The following ARHGEF3 variants were observed in gnomAD, a reference collection of about 807,000 sequenced individuals.
The protein encoded by ARHGEF3 is 59.8 kDA protein.
A neutral mutation model predicts 63.2 loss-of-function variants in ARHGEF3; 28 were observed. That is an observed-to-expected ratio of 0.44 (90% CI 0.33 to 0.61). The LOEUF (loss-of-function observed/expected upper bound fraction) is 0.61. Ranked by LOEUF, ARHGEF3 falls within the 20% of genes least tolerant of loss-of-function variation. The probability of loss-of-function intolerance (pLI) is 0.03; values close to 1 mark genes in which losing one functional copy is unlikely to be tolerated. For synonymous variants in ARHGEF3, 266 were observed against 254.2 expected (o/e 1.05, Z -0.44); for missense variants, 533 against 659.3 (o/e 0.81, Z 2.10).
In ARHGEF3 at chr3:56,949,019, G is replaced by A. The variant is rs1375598520; in HGVS notation, c.129+9804C>T. 1.6e-4 allele frequency among the ~76,000 whole-genome samples: 25 copies of A among 151,932 alleles called. 1 individual carries two copies. Among genetic ancestry groups the A allele is most frequent in the African/African-American group, 5.8e-4 (24 of 41,268 alleles). On this transcript the variant is annotated intron_variant, in intron 3 of 12. Coordinates refer to the ARHGEF3 transcript ENST00000338458. ...AATCCAGCATAAAAACAGAACCAACGACAAAAACCATATGATTATCTCAAT... is the reference window on the plus strand; with the variant it reads ...AATCCAGCATAAAAACAGAACCAACAACAAAAACCATATGATTATCTCAAT...
At chr3:56,846,330 T>C (rs1665508040) in intron 4 of ARHGEF3, among the ~76,000 whole-genome samples, 1 of 152,192 alleles carries the variant, frequency 6.6e-6, no homozygotes, top group Admixed American at 6.5e-5. Context: ...AGGTATTGAA[T>C]TGGAACTCCA....
intron 4 of ARHGEF3, among the ~76,000 whole-genome samples, chr3:56,813,986 T>C (rs1377433535): frequency 6.6e-6 from 1 of 152,218 alleles, no homozygotes; most frequent in South Asian, 2.1e-4. Context: ...GAAGCAGGAA[T>C]AATTGAGGCT....
intron 1 of ARHGEF3, among the ~76,000 whole-genome samples, chr3:57,038,883 C>T (rs72624862): frequency 0.13 from 19,115 of 152,202 alleles, 1,498 homozygotes; most frequent in East Asian, 0.32. Flanking sequence ...ACCCATTTTG[C>T]AGATGGCAAA....
chr3:56,977,286 T>A (rs1368422880), intron 2 of ARHGEF3: 4 of 456,582 alleles, frequency 8.8e-6, no homozygotes, highest in African/African-American at 8.0e-5. Flanking sequence ...CAAATATTTC[T>A]ATCAAACATG....
At chr3:56,942,849 G>A (rs964350991) in intron 3 of ARHGEF3, among the ~76,000 whole-genome samples, 1 of 152,150 alleles carries the variant, frequency 6.6e-6, no homozygotes, top group Non-Finnish European at 1.5e-5. Context: ...GAGTGGTGTG[G>A]ATAAAAGATC....
At chr3:56,948,421 G>A (rs371496523) in intron 3 of ARHGEF3, among the ~76,000 whole-genome samples, 2 of 151,800 alleles carry the variant, frequency 1.3e-5, no homozygotes, top group East Asian at 1.9e-4. Context: ...AATCAAATAG[G>A]TGCAATAAAA....
chr3:56,729,161 T>C lies in ARHGEF3; in HGVS notation c.*109A>G, dbSNP rs1158509325. 4.2e-6 allele frequency: 4 copies of C among 948,104 alleles called. No individual in the cohort carries two copies. The South Asian group carries it at 5.2e-5, about 12-fold the overall frequency. The allele number at this position is 948,104 out of a possible 1,614,324, so 58.7% of individuals were successfully genotyped here. ...ATACGAGAGACTGGGCCAACATGTA[T>C]ACTTTCACAAAAGTATGAAAAAGTG... On this transcript the variant is annotated 3_prime_UTR_variant, in exon 10 of 10. Coordinates refer to ENST00000296315, the MANE Select transcript of ARHGEF3 (RefSeq NM_019555.3).
At chr3:56,745,129 T>C (rs967472879) in intron 7 of ARHGEF3, 76 bp downstream of exon 7, 23 of 1,529,736 alleles carry the variant, frequency 1.5e-5, no homozygotes, top group Non-Finnish European at 1.3e-5. Context: ...GACTCTTCCA[T>C]TCACCCACTG....
In ARHGEF3 at chr3:56,892,405, TA is replaced by T. The variant is rs199605518; in HGVS notation, c.130-10052del. On this transcript the variant is annotated intron_variant, in intron 3 of 12. Coordinates refer to the ARHGEF3 transcript ENST00000338458. ...CTAAATTACTGTAATTATTATTTTCTACTGGTTCTCAGGTACACCAGATTGG... is the reference window on the plus strand; with the variant it reads ...CTAAATTACTGTAATTATTATTTTCTCTGGTTCTCAGGTACACCAGATTGG... Among the ~76,000 whole-genome samples the T allele has an allele frequency of 3.4e-3, 515 of 152,340 alleles. 3 individuals carry two copies. Among genetic ancestry groups the T allele is most frequent in the African/African-American group, 0.012 (489 of 41,572 alleles).
intron 4 of ARHGEF3, among the ~76,000 whole-genome samples, chr3:56,853,918 A>T (rs1269727583): frequency 6.6e-6 from 1 of 152,164 alleles, no homozygotes; most frequent in Non-Finnish European, 1.5e-5. Flanking sequence ...ACAATTGGCC[A>T]GGCGTAGTGG....
chr3:56,839,545 T>C (rs1413469037), intron 4 of ARHGEF3, among the ~76,000 whole-genome samples: 2 of 152,200 alleles, frequency 1.3e-5, no homozygotes, highest in African/African-American at 4.8e-5. Flanking sequence ...GAAAGGTACA[T>C]AAGAACTCTC....
intron 2 of ARHGEF3, among the ~76,000 whole-genome samples, chr3:57,013,213 T>G (rs1048354876): frequency 4.3e-4 from 65 of 152,252 alleles, no homozygotes; most frequent in African/African-American, 1.5e-3. Flanking sequence ...TGCTCCATGG[T>G]GCCCATCCCA....
intron 4 of ARHGEF3, among the ~76,000 whole-genome samples, chr3:56,828,037 GA>G (rs200910646): frequency 6.8e-5 from 10 of 146,576 alleles, no homozygotes; most frequent in East Asian, 2.0e-4. Flanking sequence ...AGTACACCAG[GA>G]AAAAAAAAAT....
chr3:56,945,250 G>T (rs1699422572), intron 3 of ARHGEF3, among the ~76,000 whole-genome samples: 1 of 152,086 alleles, frequency 6.6e-6, no homozygotes. Context: ...CATCTCACTG[G>T]GGAGTGTTGG....
intron 1 of ARHGEF3, among the ~76,000 whole-genome samples, chr3:57,060,983 A>G (rs1332031879): frequency 6.6e-6 from 1 of 152,204 alleles, no homozygotes; most frequent in Non-Finnish European, 1.5e-5. Flanking sequence ...AAAATATAAT[A>G]TAAAACATAC....
chr3:56,765,000 G>A (rs146821409), intron 2 of ARHGEF3, among the ~76,000 whole-genome samples: 17 of 152,028 alleles, frequency 1.1e-4, no homozygotes, highest in Admixed American at 5.9e-4. Flanking sequence ...CAGGCAATCC[G>A]CCTGTCTCGG....
chr3:56,789,108 T>G (rs1170921406), intron 1 of ARHGEF3, among the ~76,000 whole-genome samples: 1 of 152,140 alleles, frequency 6.6e-6, no homozygotes, highest in African/African-American at 2.4e-5. Flanking sequence ...AAGCCCTTTA[T>G]ATGCCTATTT....
chr3:57,025,074 C>T (rs1703417939), intron 2 of ARHGEF3, among the ~76,000 whole-genome samples: 1 of 152,176 alleles, frequency 6.6e-6, no homozygotes, highest in Non-Finnish European at 1.5e-5. Flanking sequence ...CCTAGACAAA[C>T]ACAGAACGTG....
chr3:56,957,747 A>C (rs1700105423), intron 3 of ARHGEF3, among the ~76,000 whole-genome samples: 1 of 152,182 alleles, frequency 6.6e-6, no homozygotes, highest in African/African-American at 2.4e-5. Flanking sequence ...GGCCCGGAGC[A>C]GTGTGTGTAG....
Sources: allele counts gnomAD v4.1 joint callset (sites outside exome capture counted in the v4.1 genomes callset), GRCh38; gene constraint gnomAD v4.1.1; transcripts MANE v1.5; gene names NCBI Gene and HGNC (gene_info 2026-07-23, HGNC 2026-07-21).